The following PROSER3 variants were observed in gnomAD, a reference collection of about 807,000 sequenced individuals.
PROSER3 encodes proline and serine rich 3, also known as proline and serine-rich protein 3.
In PROSER3, 33 loss-of-function variants were observed where a neutral mutation model predicts 50.2. The ratio of observed to expected loss-of-function variants is 0.66; its 90% CI spans 0.50 to 0.88. The LOEUF is 0.88. PROSER3 is among the 40% of genes least tolerant of loss of function. The pLI, the probability that PROSER3 is intolerant of heterozygous loss-of-function variation, is 0.00. For synonymous variants in PROSER3, 266 were observed against 259.3 expected, an observed-to-expected ratio of 1.03 and a Z score of -0.25; for missense variants, 623 against 612.7, an observed-to-expected ratio of 1.02 and a Z score of -0.18.
At chr19:35,766,383 C>T (rs984920416) in intron 7 of PROSER3, among the ~76,000 whole-genome samples, 1 of 151,908 alleles carries the variant, frequency 6.6e-6, no homozygotes, top group South Asian at 2.1e-4. Flanking sequence ...CCTGTCTCTA[C>T]AAAAAAATAA....
chr19:35,767,036 C>A (rs1971170407), intron 8 of PROSER3, 36 bp from the exon 9 acceptor site: 2 of 1,405,860 alleles, frequency 1.4e-6, no homozygotes, highest in Non-Finnish European at 1.9e-6. Flanking sequence ...TCCACCCTCT[C>A]TCTCTCTGTC....
chr19:35,767,094 C>A, intron 8 of PROSER3: 1 of 1,125,352 alleles, frequency 8.9e-7, no homozygotes. Flanking sequence ...CCAGTGGAGA[C>A]CCTCAGTTCT....
intron 5 of PROSER3, chr19:35,762,564 G>T: frequency 3.9e-6 from 1 of 254,706 alleles, no homozygotes; most frequent in Non-Finnish European, 7.0e-6. Context: ...AAAAAAAAAA[G>T]AGAGAGAGAG....
intron 8 of PROSER3, chr19:35,767,206 C>A: frequency 2.1e-6 from 1 of 466,390 alleles, no homozygotes; most frequent in South Asian, 3.9e-5. Context: ...CCTCAGTGTC[C>A]TCTCCACACA....
In PROSER3 at chr19:35,765,127, G is replaced by A. The variant is rs368325986; in HGVS notation, c.720G>A (p.Ser240=). Residue 240 remains serine (S), a synonymous_variant, in exon 7 of 11, where the codon TCG becomes TCA. Coordinates refer to ENST00000396908, the Ensembl canonical transcript of PROSER3. ...GCTCTGATGGCCTCTCTCCCTTCTC[G>A]GAGACCTTCATCCCTGACTCCAGCA... 2.2e-3 allele frequency: 3,487 copies of A among 1,613,756 alleles called. 6 individuals carry two copies. The highest frequency in any genetic ancestry group is 2.7e-3 in the Non-Finnish European group (3,139 of 1,179,866).
intron 5 of PROSER3, chr19:35,762,825 A>G (rs1433230827): frequency 6.6e-6 from 1 of 152,038 alleles, no homozygotes; most frequent in Non-Finnish European, 1.5e-5. Flanking sequence ...CGAGGTCAGG[A>G]GTTCAGGACC....
In PROSER3 at chr19:35,767,858, A is replaced by C. The variant is rs532017139; in HGVS notation, c.1012A>C (p.Lys338Gln). 56 of 1,612,678 alleles carry C rather than the reference A, an allele frequency of 3.5e-5. No homozygotes were observed. The East Asian group carries it at 1.2e-3, about 33-fold the overall frequency. The change falls in exon 9 of 11, where the codon AAG becomes CAG. Residue 338 changes from lysine to glutamine, a missense_variant. Transcript: ENST00000396908. ...GCCCGCAGCGGGGTCAGTGATACGGAAGAGCGAAGCCACTCCTTCCCCTGG... is the reference window on the plus strand; with the variant it reads ...GCCCGCAGCGGGGTCAGTGATACGGCAGAGCGAAGCCACTCCTTCCCCTGG...
At chr19:35,759,305 C>A in intron 1 of PROSER3, 69 bp from the exon 2 acceptor site, 1 of 1,267,212 alleles carries the variant, frequency 7.9e-7, no homozygotes, top group South Asian at 1.3e-5. Context: ...TTCTGCCCTC[C>A]TCTAATGTCC....
chr19:35,760,887 A>C (rs528473287), intron 3 of PROSER3, among the ~76,000 whole-genome samples: 1 of 152,186 alleles, frequency 6.6e-6, no homozygotes, highest in Non-Finnish European at 1.5e-5. Flanking sequence ...CATAGTCACC[A>C]CTTAGATTTG....
At chr19:35,761,897 G>C in intron 3 of PROSER3, 122 bp from the exon 4 acceptor site, 1 of 1,184,306 alleles carries the variant, frequency 8.4e-7, no homozygotes, top group Non-Finnish European at 1.1e-6. Flanking sequence ...AAGAAAAGCA[G>C]ATATTGAGGG....
At chr19:35,759,755 C>T (rs1289580134) in intron 2 of PROSER3, 34 bp from the exon 3 acceptor site, 16 of 1,533,670 alleles carry the variant, frequency 1.0e-5, no homozygotes, top group Non-Finnish European at 1.3e-5. Flanking sequence ...TGAGACCTCA[C>T]ACTTTTTCTT....
chr19:35,768,119 G>A (rs1203548431), intron 9 of PROSER3, 36 bp from the exon 10 acceptor site: 3 of 1,604,304 alleles, frequency 1.9e-6, no homozygotes, highest in Non-Finnish European at 2.6e-6. Context: ...CTAAGAGGCC[G>A]GCCCCTTGGA....
chr19:35,760,450 T>G (rs1428022659), intron 3 of PROSER3, among the ~76,000 whole-genome samples: 1 of 152,212 alleles, frequency 6.6e-6, no homozygotes, highest in Non-Finnish European at 1.5e-5. Flanking sequence ...AGCCTCAGTT[T>G]ATTTATCTCT....
At chr19:35,759,646 A>G (rs1568407851) in intron 2 of PROSER3, 143 bp from the exon 3 acceptor site, 4 of 996,956 alleles carry the variant, frequency 4.0e-6, no homozygotes, top group Non-Finnish European at 5.9e-6. Flanking sequence ...TCCCCATCTG[A>G]GCCCCCATCA....
intron 5 of PROSER3, chr19:35,763,094 T>G (rs906139762): frequency 1.3e-5 from 2 of 151,764 alleles, no homozygotes; most frequent in African/African-American, 4.8e-5. Flanking sequence ...AAAAGGAGGA[T>G]TTGCTGGCTA....
intron 5 of PROSER3, among the ~76,000 whole-genome samples, chr19:35,764,485 T>C (rs1350215756): frequency 6.6e-5 from 10 of 151,988 alleles, no homozygotes. Flanking sequence ...GGAGAAGCCC[T>C]GTCTCTACTA....
At position 35,768,072 on chromosome 19, in the gene PROSER3, C is replaced by T. The variant is rs1176207875; in HGVS notation, c.1219+7C>T. 1 of 1,583,442 alleles carries T rather than the reference C, an allele frequency of 6.3e-7. No homozygotes were observed. On this transcript the variant is annotated splice_region_variant and intron_variant, in intron 9 of 10. Transcript: ENST00000396908. Reference sequence around the variant, plus strand: ...CTGCTGCAGGCTGCAGAAGGTGATGCCCGCGCCCTCCTGGATGTTGGAGGC... The same window carrying T: ...CTGCTGCAGGCTGCAGAAGGTGATGTCCGCGCCCTCCTGGATGTTGGAGGC...
intron 8 of PROSER3, chr19:35,767,701 C>T (rs1318818326): frequency 1.2e-5 from 17 of 1,414,760 alleles, no homozygotes; most frequent in Non-Finnish European, 1.6e-5. Flanking sequence ...CTCCTCACTT[C>T]GAGGGCCCCC....
intron 8 of PROSER3, chr19:35,767,294 C>T: frequency 3.3e-6 from 1 of 304,380 alleles, no homozygotes; most frequent in South Asian, 6.4e-5. Flanking sequence ...GGCTGTTCCT[C>T]CCACGCAGCA....
Sources: gnomAD v4.1 joint callset for allele counts (sites outside exome capture counted in the v4.1 genomes callset) on GRCh38, gnomAD v4.1.1 for gene constraint, MANE v1.5 for transcripts, NCBI Gene and HGNC (gene_info 2026-07-23, HGNC 2026-07-21) for gene names.